The following AGBL1 variants were observed in gnomAD, a reference collection of about 807,000 sequenced individuals.
AGBL1 encodes the protein AGBL carboxypeptidase 1.
In AGBL1, 130 loss-of-function variants were observed where a neutral mutation model predicts 118.9. The observed-to-expected ratio is 1.09, with a 90% CI of 0.95 to 1.26. AGBL1 has a LOEUF of 1.26. Ranked by LOEUF, AGBL1 falls within the 50% of genes most tolerant of loss-of-function variation. The pLI is 0.00. For synonymous variants in AGBL1, 555 were observed against 478.9 expected, an observed-to-expected ratio of 1.16 and a Z score of -2.08; for missense variants, 1,584 against 1,298.1, an observed-to-expected ratio of 1.22 and a Z score of -3.38.
chr15:86,155,093 C>T (rs2077170250), intron 4 of AGBL1, among the ~76,000 whole-genome samples: 1 of 152,148 alleles, frequency 6.6e-6, no homozygotes, highest in South Asian at 2.1e-4. Flanking sequence ...TTTGCTATCT[C>T]TTGATTTGAC....
At chr15:86,256,392 T>C (rs1273744109) in intron 7 of AGBL1, among the ~76,000 whole-genome samples, 1 of 152,230 alleles carries the variant, frequency 6.6e-6, no homozygotes, top group African/African-American at 2.4e-5. Context: ...AAAAAATATT[T>C]TTCTCCACAG....
chr15:86,971,088 C>T lies in AGBL1; in HGVS notation c.3222-16899C>T, dbSNP rs139325723. ...CATCTGCAGTGGTTCTGGAACAAAT[C>T]CTGCAAGGATATTGAGGGACAACTC... On this transcript the variant is annotated intron_variant, in intron 23 of 24. Transcript: ENST00000441037. 3.4e-3 allele frequency among the ~76,000 whole-genome samples: 523 copies of T among 152,044 alleles called. 4 individuals carry two copies. Among genetic ancestry groups the T allele is most frequent in the African/African-American group, 0.012 (495 of 41,512 alleles).
chr15:86,105,544 A>G (rs1427468115), intron 1 of AGBL1, among the ~76,000 whole-genome samples: 1 of 152,202 alleles, frequency 6.6e-6, no homozygotes, highest in Non-Finnish European at 1.5e-5. Flanking sequence ...CAATAAATAA[A>G]CAGTGATAAG....
At chr15:86,646,231 C>T (rs2085277627) in intron 21 of AGBL1, among the ~76,000 whole-genome samples, 2 of 152,096 alleles carry the variant, frequency 1.3e-5, no homozygotes, top group South Asian at 4.1e-4. Flanking sequence ...ATGGGTAATT[C>T]CATGTAAATG....
intron 18 of AGBL1, among the ~76,000 whole-genome samples, chr15:86,402,071 C>T: frequency 6.6e-6 from 1 of 152,032 alleles, no homozygotes; most frequent in Non-Finnish European, 1.5e-5. Context: ...TTGACTCTAC[C>T]TGTCCATGAG....
At chr15:86,353,404 C>T (rs953845606) in intron 17 of AGBL1, among the ~76,000 whole-genome samples, 2 of 152,172 alleles carry the variant, frequency 1.3e-5, no homozygotes, top group African/African-American at 2.4e-5. Context: ...ATCTAATGGG[C>T]TGCCACTGAG....
At chr15:86,496,128 G>A (rs1307873217) in intron 18 of AGBL1, among the ~76,000 whole-genome samples, 1 of 151,926 alleles carries the variant, frequency 6.6e-6, no homozygotes, top group Non-Finnish European at 1.5e-5. Flanking sequence ...GAGGTGATTG[G>A]ATCATGGGGG....
chr15:86,719,584 T>G (rs1329954210), intron 22 of AGBL1, among the ~76,000 whole-genome samples: 1 of 152,110 alleles, frequency 6.6e-6, no homozygotes, highest in Non-Finnish European at 1.5e-5. Flanking sequence ...GGGTCATTCA[T>G]TCAGTCATCC....
rs151182971 is a variant in AGBL1 at position 86,201,831 on chromosome 15, C to T, written c.489-23083C>T. Among the ~76,000 whole-genome samples the T allele has an allele frequency of 4.9e-4, 75 of 152,212 alleles. 1 individual carries two copies. The highest frequency in any genetic ancestry group is 1.7e-3 in the East Asian group (9 of 5,180). On this transcript the variant is annotated intron_variant, in intron 5 of 22. Coordinates refer to ENST00000614907, the MANE Select transcript of AGBL1 (RefSeq NM_001386094.1). ...ATGTCAGCTACTTCAGTAGGCCGCA[C>T]GGATTTAAATGGGTTAGAAGTTCCT...
chr15:86,265,693 A>C (rs2142038380), intron 11 of AGBL1, among the ~76,000 whole-genome samples: 1 of 152,316 alleles, frequency 6.6e-6, no homozygotes. Flanking sequence ...GAAACAGATC[A>C]CAAGGGCTGT....
intron 18 of AGBL1, among the ~76,000 whole-genome samples, chr15:86,509,946 A>AT (rs71144048): frequency 0.011 from 1,503 of 142,834 alleles, 24 homozygotes; most frequent in African/African-American, 0.032. Flanking sequence ...GCTGAAGCTC[A>AT]TTTTTTTTTT....
intron 21 of AGBL1, among the ~76,000 whole-genome samples, chr15:86,623,904 C>A (rs1345690593): frequency 2.0e-5 from 3 of 152,202 alleles, no homozygotes; most frequent in Admixed American, 6.5e-5. Flanking sequence ...CTAGAAGAGG[C>A]ACAATTAGAT....
intron 1 of AGBL1, among the ~76,000 whole-genome samples, chr15:86,140,677 G>A (rs2076951276): frequency 6.6e-6 from 1 of 152,148 alleles, no homozygotes; most frequent in African/African-American, 2.4e-5. Context: ...TTGGGGGTTG[G>A]ATGGGATCTC....
intron 23 of AGBL1, among the ~76,000 whole-genome samples, chr15:86,974,035 T>TATTTAATATATTAAATATAAAC (rs2081141982): frequency 2.2e-5 from 3 of 133,576 alleles, no homozygotes; most frequent in Admixed American, 7.7e-5. Flanking sequence ...AATATAAACA[T>TATTTAATATATTAAATATAAAC]ATTTAATATA....
intron 22 of AGBL1, among the ~76,000 whole-genome samples, chr15:86,829,849 A>G (rs1400335308): frequency 1.3e-5 from 2 of 152,142 alleles, no homozygotes; most frequent in Non-Finnish European, 2.9e-5. Flanking sequence ...TGGGAAAACT[A>G]GTTGCGTGCA....
chr15:86,178,124 C>T (rs1474004729), intron 5 of AGBL1, among the ~76,000 whole-genome samples: 2 of 152,056 alleles, frequency 1.3e-5, no homozygotes, highest in Non-Finnish European at 1.5e-5. Context: ...CCATCCTGGC[C>T]AACGTGATGT....
At chr15:86,189,890 T>A (rs1272801434) in intron 5 of AGBL1, among the ~76,000 whole-genome samples, 1 of 152,208 alleles carries the variant, frequency 6.6e-6, no homozygotes, top group Admixed American at 6.5e-5. Context: ...ATTACCATGC[T>A]GGACTGACAC....
chr15:86,461,870 G>A (rs1287589642), intron 18 of AGBL1, among the ~76,000 whole-genome samples: 2 of 152,070 alleles, frequency 1.3e-5, no homozygotes, highest in Admixed American at 6.6e-5. Flanking sequence ...CACCCACCAT[G>A]TTTGCTTATT....
At chr15:86,086,367 G>C (rs16948082) in intron 1 of AGBL1, 1 of 152,052 alleles carries the variant, frequency 6.6e-6, no homozygotes, top group Non-Finnish European at 1.5e-5. Flanking sequence ...TCTCCTTTAC[G>C]CCAGGCCTGA....
Sources: allele counts gnomAD v4.1 joint callset (sites outside exome capture counted in the v4.1 genomes callset), GRCh38; gene constraint gnomAD v4.1.1; transcripts MANE v1.5; gene names NCBI Gene and HGNC (gene_info 2026-07-23, HGNC 2026-07-21).